BZW2: variants seen among roughly 807,000 people sequenced by gnomAD.
The protein encoded by BZW2 is basic leucine zipper and W2 domains 2.
BZW2 carries 23 observed loss-of-function variants against 53.2 expected under a neutral mutation model. The ratio of observed to expected loss-of-function variants is 0.43; its 90% CI spans 0.31 to 0.61. BZW2 has a LOEUF of 0.61. Ranked by LOEUF, BZW2 falls within the 20% of genes least tolerant of loss-of-function variation. BZW2 has a pLI of 0.09. For synonymous variants in BZW2, 227 were observed against 186.4 expected, an observed-to-expected ratio of 1.22 and a Z score of -1.77; for missense variants, 409 against 503.1, an observed-to-expected ratio of 0.81 and a Z score of 1.79.
intron 1 of BZW2, among the ~76,000 whole-genome samples, chr7:16,665,072 G>A (rs910292302): frequency 2.0e-5 from 3 of 152,148 alleles, no homozygotes; most frequent in East Asian, 1.9e-4. Flanking sequence ...AACAGTTTGT[G>A]AGGCCAAGGT....
At chr7:16,685,457 T>G (rs1783087049) in intron 5 of BZW2, among the ~76,000 whole-genome samples, 1 of 152,172 alleles carries the variant, frequency 6.6e-6, no homozygotes, top group Non-Finnish European at 1.5e-5. Context: ...TTTCTATGTT[T>G]TTGCCGTACA....
chr7:16,691,614 A>G (rs763304051), intron 7 of BZW2, among the ~76,000 whole-genome samples: 5 of 152,354 alleles, frequency 3.3e-5, no homozygotes, highest in Non-Finnish European at 5.9e-5. Flanking sequence ...CTGGCAATAG[A>G]TTGGGAAAAT....
Position 16,668,722 on chromosome 7 carries a change from T to C in BZW2, c.58+3221T>C, listed in dbSNP as rs1170786015. ...AAACATTTCCTAGCAAAGCCAGTGCTCCTGCATGCCAAGTTAGTATGACAA... is the reference window on the plus strand; with the variant it reads ...AAACATTTCCTAGCAAAGCCAGTGCCCCTGCATGCCAAGTTAGTATGACAA... On this transcript the variant is annotated intron_variant, in intron 2 of 11. Coordinates refer to ENST00000258761, the MANE Select transcript of BZW2 (RefSeq NM_014038.3). 2.0e-5 allele frequency among the ~76,000 whole-genome samples: 3 copies of C among 152,232 alleles called. No individual in the cohort carries two copies. The East Asian group carries it at 5.8e-4, about 29-fold the overall frequency.
chr7:16,673,159 G>C (rs980378695), intron 2 of BZW2, among the ~76,000 whole-genome samples: 1 of 152,012 alleles, frequency 6.6e-6, no homozygotes, highest in Non-Finnish European at 1.5e-5. Flanking sequence ...CGTTAGCCAG[G>C]ATGGTCTCAA....
intron 2 of BZW2, among the ~76,000 whole-genome samples, chr7:16,672,574 G>T (rs958402891): frequency 1.3e-5 from 2 of 151,702 alleles, no homozygotes; most frequent in African/African-American, 4.9e-5. Context: ...TGAAGTTTTG[G>T]GTTCATCCTT....
intron 7 of BZW2, among the ~76,000 whole-genome samples, chr7:16,692,884 G>A (rs1732587484): frequency 6.6e-6 from 1 of 152,198 alleles, no homozygotes; most frequent in African/African-American, 2.4e-5. Flanking sequence ...ACTTGAGGGA[G>A]GTGTGGAGTG....
In BZW2 at chr7:16,658,824, A is replaced by G. The variant is rs1782182235; in HGVS notation, c.-7-6613A>G. ...CAGGAGGTGGAGGTTGTAGTGAGCCAAGATCGCACCACTGCACTCCAGCCT... is the reference window on the plus strand; with the variant it reads ...CAGGAGGTGGAGGTTGTAGTGAGCCGAGATCGCACCACTGCACTCCAGCCT... On this transcript the variant is annotated intron_variant, in intron 1 of 11. Transcript: ENST00000258761. Among the ~76,000 whole-genome samples, 3 of 152,040 alleles carry G rather than the reference A, an allele frequency of 2.0e-5. No homozygotes were observed. The South Asian group carries it at 6.2e-4, about 32-fold the overall frequency.
Position 16,706,065 on chromosome 7 carries a change from G to C in BZW2, c.1237G>C (p.Glu413Gln). ...ACTTCTTTCTTCTCTCCTAGAATCCGAATCGGAAGGTGAGGAAAATTAAAT... is the reference window on the plus strand; with the variant it reads ...ACTTCTTTCTTCTCTCCTAGAATCCCAATCGGAAGGTGAGGAAAATTAAAT... Reference protein sequence around the residue: ...EWLQNAEEESESEGEEN With the variant: ...EWLQNAEEESQSEGEEN The change falls in exon 12 of 12, where the codon GAA becomes CAA. Residue 413 changes from glutamate to glutamine, a missense_variant. Coordinates refer to ENST00000258761, the MANE Select transcript of BZW2 (RefSeq NM_014038.3). The C allele has an allele frequency of 6.2e-7, 1 of 1,613,496 alleles. No homozygotes were observed. The highest frequency in any genetic ancestry group is 8.5e-7 in the Non-Finnish European group (1 of 1,179,764).
At chr7:16,688,887 G>A (rs1783212993) in intron 6 of BZW2, among the ~76,000 whole-genome samples, 1 of 152,044 alleles carries the variant, frequency 6.6e-6, no homozygotes, top group African/African-American at 2.4e-5. Flanking sequence ...AGTTTAACTT[G>A]AAACAGCCTT....
Position 16,704,090 on chromosome 7 carries a change from T to C in BZW2, c.1109-457T>C, listed in dbSNP as rs117228836. On this transcript the variant is annotated intron_variant, in intron 10 of 11. Transcript: ENST00000258761. ...GCATACTATCTACATTTTTTTCCTT[T>C]GTCATTTTTCTCCTAAAAAAAGAAA... Among the ~76,000 whole-genome samples the C allele has an allele frequency of 8.2e-3, 1,248 of 152,310 alleles. 12 individuals carry two copies. The highest frequency in any genetic ancestry group is 0.02 in the Middle Eastern group (6 of 294).
At chr7:16,663,891 A>G (rs896423766) in intron 1 of BZW2, among the ~76,000 whole-genome samples, 4 of 152,214 alleles carry the variant, frequency 2.6e-5, no homozygotes, top group African/African-American at 9.6e-5. Context: ...AAGATAATAT[A>G]TTGCAATTTT....
intron 6 of BZW2, chr7:16,687,044 T>A (rs1036827489): frequency 6.6e-6 from 1 of 152,244 alleles, no homozygotes; most frequent in Non-Finnish European, 1.5e-5. Flanking sequence ...TGTTAATCAT[T>A]AATTATTTTA....
At chr7:16,647,650 T>G (rs185339209) in intron 1 of BZW2, among the ~76,000 whole-genome samples, 10 of 152,336 alleles carry the variant, frequency 6.6e-5, no homozygotes, top group African/African-American at 2.4e-4. Flanking sequence ...AATAATGATG[T>G]GGCTGTTCAA....
chr7:16,674,471 G>A lies in BZW2; in HGVS notation c.118G>A (p.Glu40Lys). ...GGATACACTTGTCCAGGGGCTTAAT[G>A]AGGCTGGTGATGACCTTGAAGCTGT... ...FRDTLVQGLNEAGDDLEAVAK... is the reference protein window; with the variant it reads ...FRDTLVQGLNKAGDDLEAVAK... Residue 40 changes from glutamate to lysine, a missense_variant, in exon 3 of 12, where the codon GAG (glutamate) becomes AAG (lysine). Physicochemically the swap from Glu to Lys is moderately conservative, Grantham distance 56 (BLOSUM62 1). Around this residue, in one of 3 missense-constraint regions of BZW2, gnomAD observed 316 missense variants for 366.8 expected, o/e 0.86. Coordinates refer to ENST00000258761, the MANE Select transcript of BZW2 (RefSeq NM_014038.3). 5.0e-6 allele frequency: 8 copies of A among 1,613,228 alleles called. No individual in the cohort carries two copies. The highest frequency in any genetic ancestry group is 6.8e-6 in the Non-Finnish European group (8 of 1,179,416).
At chr7:16,689,944 C>T (rs770173639) in intron 7 of BZW2, 38 bp downstream of exon 7, 5 of 1,517,466 alleles carry the variant, frequency 3.3e-6, no homozygotes, top group East Asian at 2.3e-5. Context: ...ATGTATGATG[C>T]CTTTCTTGGA....
chr7:16,698,661 G>A (rs1225705062), intron 10 of BZW2, among the ~76,000 whole-genome samples: 1 of 152,074 alleles, frequency 6.6e-6, no homozygotes. Flanking sequence ...CAAGGGAATG[G>A]CTATTTTTAG....
rs552090535 is a variant in BZW2, at chr7:16,650,011, C to CT, written c.-8+3733dup. ...GGAAGTATTACAGCCTCTAAGAAAT[C>CT]TTTTTTTTTTAAACACAACATAAGA... is the stretch of plus-strand genomic sequence containing the variant. On this transcript the variant is annotated intron_variant, in intron 1 of 11. Transcript: ENST00000258761. Among the ~76,000 whole-genome samples the CT allele has an allele frequency of 3.3e-3, 487 of 149,222 alleles. 2 individuals carry two copies. Among genetic ancestry groups the CT allele is most frequent in the East Asian group, 9.0e-3 (46 of 5,106 alleles).
At chr7:16,658,340 A>G (rs1782168997) in intron 1 of BZW2, among the ~76,000 whole-genome samples, 1 of 152,220 alleles carries the variant, frequency 6.6e-6, no homozygotes, top group South Asian at 2.1e-4. Context: ...ATTTGTTTCT[A>G]CATGGATATT....
At position 16,697,052 on chromosome 7, in the gene BZW2, G is replaced by C. The variant is rs769442399; in HGVS notation, c.960G>C (p.Lys320Asn). Residue 320 changes from lysine (K) to asparagine (N), a missense_variant, in exon 9 of 12, where the codon AAG (lysine) becomes AAC (asparagine). By Grantham distance (94) the Lys-to-Asn change is moderately conservative. Transcript: ENST00000258761. Reference sequence around the variant, plus strand: ...AACTTGTTGCAGAGCAGGCTCTGAAGCACCTGAAGGTAACAGCCCTTAGCA... The same window carrying C: ...AACTTGTTGCAGAGCAGGCTCTGAACCACCTGAAGGTAACAGCCCTTAGCA... ...KEELVAEQALKHLKQYAPLLA... is the reference protein window; with the variant it reads ...KEELVAEQALNHLKQYAPLLA... 6.2e-7 allele frequency: 1 copy of C among 1,614,020 alleles called. No homozygotes were observed. The highest frequency in any genetic ancestry group is 8.5e-7 in the Non-Finnish European group (1 of 1,179,952).
Sources: allele counts gnomAD v4.1 joint callset (sites outside exome capture counted in the v4.1 genomes callset), GRCh38; gene constraint gnomAD v4.1.1; regional missense constraint gnomAD v4.1.1; transcripts MANE v1.5; gene names NCBI Gene and HGNC (gene_info 2026-07-23, HGNC 2026-07-21).